Variants in GRM7 observed in about 807,000 individuals in gnomAD.
The protein encoded by GRM7 is glutamate metabotropic receptor 7.
In GRM7, 35 loss-of-function variants were observed where a neutral mutation model predicts 84.5. The ratio of observed to expected loss-of-function variants is 0.41; its 90% CI spans 0.32 to 0.55. The LOEUF (loss-of-function observed/expected upper bound fraction) is 0.55, where lower values mean the gene tolerates loss of function less well. Ranked by LOEUF, GRM7 falls within the 20% of genes least tolerant of loss-of-function variation. GRM7 has a pLI of 0.19. For missense variants in GRM7, 1,003 were observed against 1,194.6 expected (o/e 0.84, Z 2.36); for synonymous variants, 487 against 455.1 (o/e 1.07, Z -0.89).
At chr3:7,406,197 A>G (rs1695668188) in intron 4 of GRM7, among the ~76,000 whole-genome samples, 1 of 152,044 alleles carries the variant, frequency 6.6e-6, no homozygotes. Context: ...ATCTTTAATA[A>G]CTACTTTTAA....
At chr3:7,506,132 ACT>A (rs1221630312) in intron 7 of GRM7, among the ~76,000 whole-genome samples, 2 of 152,042 alleles carry the variant, frequency 1.3e-5, no homozygotes, top group African/African-American at 4.8e-5. Flanking sequence ...CTAATTTATC[ACT>A]CTTAAATTCT....
At chr3:7,137,260 G>C (rs1370174696) in intron 1 of GRM7, among the ~76,000 whole-genome samples, 1 of 151,870 alleles carries the variant, frequency 6.6e-6, no homozygotes, top group Non-Finnish European at 1.5e-5. Flanking sequence ...GGAATTCTTA[G>C]AACCATAAAT....
intron 1 of GRM7, among the ~76,000 whole-genome samples, chr3:6,927,510 A>AAAG: frequency 6.7e-6 from 1 of 150,208 alleles, no homozygotes; most frequent in Non-Finnish European, 1.5e-5. Context: ...AGAAAGAAAG[A>AAAG]AAGAAAGAAG....
At chr3:7,544,799 C>G (rs928429824) in intron 7 of GRM7, among the ~76,000 whole-genome samples, 2 of 152,140 alleles carry the variant, frequency 1.3e-5, no homozygotes, top group Non-Finnish European at 2.9e-5. Flanking sequence ...GTTCTCCCCT[C>G]TCCTTATGAT....
intron 9 of GRM7, among the ~76,000 whole-genome samples, chr3:7,716,666 C>T (rs1453409035): frequency 6.6e-6 from 1 of 152,186 alleles, no homozygotes; most frequent in African/African-American, 2.4e-5. Flanking sequence ...ATCCTACTCC[C>T]ATGGGTTGAA....
chr3:7,306,733 G>C (rs1054432284), intron 4 of GRM7, 81 bp downstream of exon 4: 21 of 1,279,492 alleles, frequency 1.6e-5, no homozygotes, highest in Non-Finnish European at 2.0e-5. Context: ...CTTTTTAGGG[G>C]TTTGGCATTT....
chr3:7,735,570 C>G (rs1356187991), intron 9 of GRM7, among the ~76,000 whole-genome samples: 3 of 152,110 alleles, frequency 2.0e-5, no homozygotes, highest in Non-Finnish European at 1.5e-5. Flanking sequence ...AATACATGCT[C>G]AATAAATATT....
intron 1 of GRM7, among the ~76,000 whole-genome samples, chr3:7,093,881 C>T (rs570635770): frequency 9.2e-5 from 14 of 151,948 alleles, no homozygotes; most frequent in South Asian, 4.2e-4. Context: ...TAGTATGTTT[C>T]GAGACTAACA....
At chr3:7,300,278 G>T (rs189228821) in intron 3 of GRM7, among the ~76,000 whole-genome samples, 1 of 152,122 alleles carries the variant, frequency 6.6e-6, no homozygotes, top group Admixed American at 6.5e-5. Flanking sequence ...TACCACCAGC[G>T]TCTCAAACCT....
chr3:7,713,141 T>TG (rs1701649120), intron 9 of GRM7, among the ~76,000 whole-genome samples: 1 of 145,212 alleles, frequency 6.9e-6, no homozygotes, highest in Non-Finnish European at 1.5e-5. Context: ...TTTTTTTTTT[T>TG]TTTTTTTTTT....
intron 8 of GRM7, among the ~76,000 whole-genome samples, chr3:7,583,832 A>G (rs1575523332): frequency 6.6e-6 from 1 of 152,212 alleles, no homozygotes; most frequent in South Asian, 2.1e-4. Flanking sequence ...TCTTTCAGTA[A>G]TTAAACTTAC....
intron 1 of GRM7, among the ~76,000 whole-genome samples, chr3:7,137,457 A>G (rs1456274859): frequency 6.6e-6 from 1 of 152,134 alleles, no homozygotes; most frequent in Non-Finnish European, 1.5e-5. Context: ...TGACTTCAAC[A>G]TAAAATTTAT....
At chr3:7,529,466 G>A (rs1419566120) in intron 7 of GRM7, among the ~76,000 whole-genome samples, 2 of 152,054 alleles carry the variant, frequency 1.3e-5, no homozygotes, top group African/African-American at 4.8e-5. Context: ...TCTGTTATAT[G>A]GACAGAAATT....
intron 9 of GRM7, among the ~76,000 whole-genome samples, chr3:7,730,137 T>TA (rs1702265301): frequency 6.8e-6 from 1 of 146,924 alleles, no homozygotes; most frequent in Non-Finnish European, 1.5e-5. Flanking sequence ...CCTCCCAAAG[T>TA]GCTGGGATTA....
chr3:6,946,837 G>C (rs1327946772), intron 1 of GRM7, among the ~76,000 whole-genome samples: 1 of 152,148 alleles, frequency 6.6e-6, no homozygotes, highest in Non-Finnish European at 1.5e-5. Flanking sequence ...GTTCACTCAT[G>C]ATTTGGCTCT....
intron 8 of GRM7, among the ~76,000 whole-genome samples, chr3:7,579,960 C>T (rs942786458): frequency 1.3e-5 from 2 of 152,218 alleles, no homozygotes; most frequent in Non-Finnish European, 2.9e-5. Context: ...ACATTAATCA[C>T]ATCCAGCAAT....
intron 4 of GRM7, among the ~76,000 whole-genome samples, chr3:7,378,618 G>A (rs1004657902): frequency 6.6e-6 from 1 of 152,248 alleles, no homozygotes; most frequent in African/African-American, 2.4e-5. Flanking sequence ...TGTGACAAGA[G>A]AGGTTATATT....
chr3:7,559,883 C>G (rs1217884882), intron 7 of GRM7, among the ~76,000 whole-genome samples: 2 of 151,624 alleles, frequency 1.3e-5, no homozygotes, highest in African/African-American at 4.9e-5. Flanking sequence ...CAGATGGCCT[C>G]CTTCTCATGT....
In GRM7 at chr3:7,685,788, T is replaced by TA. The variant is rs199948429; in HGVS notation, c.2698+5506dup. Reference sequence around the variant, plus strand: ...TGTCAATATAAGGAGGTATGTTATTTAAAAAAAAAAAAAGAAAGAAAAAGA... The same window carrying TA: ...TGTCAATATAAGGAGGTATGTTATTTAAAAAAAAAAAAAAGAAAGAAAAAGA... On this transcript the variant is annotated intron_variant, in intron 9 of 9. Coordinates refer to ENST00000357716, the MANE Select transcript of GRM7 (RefSeq NM_000844.4). Among the ~76,000 whole-genome samples, 430 of 142,332 alleles carry TA rather than the reference T, an allele frequency of 3.0e-3. 4 individuals are homozygous for TA. Among genetic ancestry groups the TA allele is most frequent in the East Asian group, 0.015 (73 of 4,958 alleles). The allele number at this position is 142,332 out of a possible 152,430, so 93.4% of individuals were successfully genotyped here.
Sources: allele counts gnomAD v4.1 joint callset (sites outside exome capture counted in the v4.1 genomes callset), GRCh38; gene constraint gnomAD v4.1.1; transcripts MANE v1.5; gene names NCBI Gene and HGNC (gene_info 2026-07-23, HGNC 2026-07-21).